SYT1: variants seen among roughly 807,000 people sequenced by gnomAD.
The protein encoded by SYT1 is synaptotagmin-1.
SYT1 carries 8 observed loss-of-function variants against 44.8 expected under a neutral mutation model. The ratio of observed to expected loss-of-function variants is 0.18; its 90% CI spans 0.10 to 0.32. SYT1 has a LOEUF of 0.32. Ranked by LOEUF, SYT1 falls within the 10% of genes least tolerant of loss-of-function variation. The probability of loss-of-function intolerance (pLI) is 1.00; values close to 1 mark genes in which losing one functional copy is unlikely to be tolerated. For synonymous variants in SYT1, 154 were observed against 188.8 expected (o/e 0.82, Z 1.51); for missense variants, 286 against 509.3 (o/e 0.56, Z 4.22).
chr12:79,363,072 C>T (rs1166074422), intron 9 of SYT1, among the ~76,000 whole-genome samples: 1 of 152,104 alleles, frequency 6.6e-6, no homozygotes, highest in African/African-American at 2.4e-5. Context: ...ACCCAGAATG[C>T]TTACATTTGC....
At chr12:79,212,902 G>A (rs1565858073) in intron 3 of SYT1, among the ~76,000 whole-genome samples, 1 of 152,160 alleles carries the variant, frequency 6.6e-6, no homozygotes, top group African/African-American at 2.4e-5. Flanking sequence ...TGTAAAATAA[G>A]ATTGAGTTAC....
chr12:79,420,392 G>C (rs1869032695), intron 9 of SYT1, among the ~76,000 whole-genome samples: 1 of 152,092 alleles, frequency 6.6e-6, no homozygotes, highest in African/African-American at 2.4e-5. Context: ...TCTTATACCT[G>C]CATTCCAGTT....
chr12:78,913,767 C>A (rs949344383), intron 1 of SYT1, among the ~76,000 whole-genome samples: 4 of 151,762 alleles, frequency 2.6e-5, no homozygotes, highest in Non-Finnish European at 5.9e-5. Context: ...ATAGTAATTA[C>A]AGTCTAACCA....
chr12:78,959,618 A>T (rs750850752), intron 1 of SYT1, among the ~76,000 whole-genome samples: 6 of 152,162 alleles, frequency 3.9e-5, no homozygotes, highest in Non-Finnish European at 8.8e-5. Context: ...GACACCTAAA[A>T]AGGAAGAATA....
chr12:79,401,701 AC>A (rs1427681293), intron 9 of SYT1, among the ~76,000 whole-genome samples: 14 of 149,676 alleles, frequency 9.4e-5, no homozygotes, highest in African/African-American at 3.4e-4. Context: ...ACAAGGTCTC[AC>A]CCTGCTACCC....
chr12:79,323,975 G>A lies in SYT1; in HGVS notation c.810+24424G>A, dbSNP rs796428048. ...TTTTTTTTTTTTTTTTTTTGAGATA[G>A]AGTCTTCCTCTGTCACCCAGGCTGG... On this transcript the variant is annotated intron_variant, in intron 8 of 10. Transcript: ENST00000261205. Among the ~76,000 whole-genome samples, 4 of 122,610 alleles carry A rather than the reference G, an allele frequency of 3.3e-5. No homozygotes were observed. In the South Asian group the frequency reaches 1.1e-3, roughly 33 times the overall value. The allele number at this position is 122,610 out of a possible 152,430, so 80.4% of individuals were successfully genotyped here.
intron 9 of SYT1, among the ~76,000 whole-genome samples, chr12:79,431,295 CAGT>C (rs1869760999): frequency 6.6e-6 from 1 of 152,080 alleles, no homozygotes; most frequent in Non-Finnish European, 1.5e-5. Flanking sequence ...AGAGACAGAG[CAGT>C]GTATGTCAAG....
intron 1 of SYT1, among the ~76,000 whole-genome samples, chr12:78,901,467 G>A (rs1236640217): frequency 6.6e-6 from 1 of 151,994 alleles, no homozygotes; most frequent in East Asian, 1.9e-4. Flanking sequence ...GCAAAGGGAG[G>A]TCTTTTATAT....
chr12:79,208,991 G>C (rs1874285712), intron 3 of SYT1, among the ~76,000 whole-genome samples: 1 of 152,140 alleles, frequency 6.6e-6, no homozygotes, highest in Admixed American at 6.5e-5. Flanking sequence ...GGAAAAAATG[G>C]AAGAATCCAG....
chr12:79,065,310 G>A (rs1875759706), intron 3 of SYT1, among the ~76,000 whole-genome samples: 1 of 152,184 alleles, frequency 6.6e-6, no homozygotes, highest in Admixed American at 6.5e-5. Flanking sequence ...CTTGAGTCCG[G>A]GAGGTGAAGG....
intron 10 of SYT1, among the ~76,000 whole-genome samples, chr12:79,445,990 C>CATATATATATATATATAT (rs59721146): frequency 4.5e-5 from 2 of 44,138 alleles, no homozygotes; most frequent in Admixed American, 3.4e-4. Context: ...AATCCAAAGA[C>CATATATATATATATATAT]ATATATATAT....
chr12:79,100,029 C>T (rs998264318), intron 3 of SYT1, among the ~76,000 whole-genome samples: 1 of 151,958 alleles, frequency 6.6e-6, no homozygotes, highest in Non-Finnish European at 1.5e-5. Flanking sequence ...TGTACATGTT[C>T]TTTGAACTTT....
At chr12:79,276,976 G>T (rs1878771006) in intron 4 of SYT1, among the ~76,000 whole-genome samples, 1 of 150,922 alleles carries the variant, frequency 6.6e-6, no homozygotes, top group Admixed American at 6.6e-5. Flanking sequence ...AGGAGGAAGA[G>T]GAGGAGGAGG....
intron 9 of SYT1, among the ~76,000 whole-genome samples, chr12:79,398,068 CAT>C (rs1266611733): frequency 1.3e-5 from 2 of 152,182 alleles, no homozygotes; most frequent in Non-Finnish European, 2.9e-5. Context: ...TTAATTTCTA[CAT>C]ATGTTTTTCC....
intron 1 of SYT1, among the ~76,000 whole-genome samples, chr12:78,923,759 T>C (rs1280036811): frequency 1.4e-5 from 2 of 142,106 alleles, no homozygotes; most frequent in Non-Finnish European, 3.0e-5. Context: ...TCATGAACAA[T>C]GTGAGAGAGT....
chr12:79,178,673 C>T (rs1872055729), intron 3 of SYT1, among the ~76,000 whole-genome samples: 2 of 151,902 alleles, frequency 1.3e-5, no homozygotes, highest in East Asian at 1.9e-4. Context: ...AGTTATACCT[C>T]CAAGTCAAAT....
At chr12:78,966,607 G>T (rs552022353) in intron 1 of SYT1, among the ~76,000 whole-genome samples, 2 of 152,174 alleles carry the variant, frequency 1.3e-5, no homozygotes, top group East Asian at 3.9e-4. Context: ...ACTTATATCA[G>T]GTAAGTCAGA....
chr12:78,869,706 T>A (rs908060180), intron 1 of SYT1, among the ~76,000 whole-genome samples: 1 of 152,070 alleles, frequency 6.6e-6, no homozygotes, highest in Non-Finnish European at 1.5e-5. Flanking sequence ...AAATGAATTT[T>A]CTAGCATGTC....
chr12:79,179,818 A>G (rs1303241552), intron 3 of SYT1, among the ~76,000 whole-genome samples: 1 of 151,958 alleles, frequency 6.6e-6, no homozygotes, highest in Non-Finnish European at 1.5e-5. Context: ...ACAATGTACC[A>G]CTAAGGGTGT....
Sources: gnomAD v4.1 joint callset for allele counts (sites outside exome capture counted in the v4.1 genomes callset) on GRCh38, gnomAD v4.1.1 for gene constraint, MANE v1.5 for transcripts, NCBI Gene and HGNC (gene_info 2026-07-23, HGNC 2026-07-21) for gene names.